The following YTHDC2 variants were observed in gnomAD, a reference collection of about 807,000 sequenced individuals.
YTHDC2 encodes YTH N6-methyladenosine RNA binding protein C2.
YTHDC2 carries 45 observed loss-of-function variants against 174.9 expected under a neutral mutation model. That is an observed-to-expected ratio of 0.26 (90% CI 0.20 to 0.33). The LOEUF (loss-of-function observed/expected upper bound fraction) is 0.33. Among genes scored for constraint, YTHDC2 ranks in the 10% least tolerant of loss-of-function variants. The probability of loss-of-function intolerance (pLI) is 1.00; values close to 1 mark genes in which losing one functional copy is unlikely to be tolerated. For synonymous variants in YTHDC2, 657 were observed against 574.5 expected, an observed-to-expected ratio of 1.14 and a Z score of -2.05; for missense variants, 1,650 against 1,723.7, an observed-to-expected ratio of 0.96 and a Z score of 0.76.
chr5:113,591,934 A>C, intron 27 of YTHDC2, 62 bp from the exon 28 acceptor site: 1 of 1,255,584 alleles, frequency 8.0e-7, no homozygotes, highest in Non-Finnish European at 1.0e-6. Context: ...TCTCAGATAA[A>C]TTAAATTTAG....
At chr5:113,566,711 A>T (rs1777354745) in intron 21 of YTHDC2, among the ~76,000 whole-genome samples, 1 of 152,182 alleles carries the variant, frequency 6.6e-6, no homozygotes, top group Admixed American at 6.5e-5. Context: ...CAGAATTAGT[A>T]TCTATCATAA....
rs375424368 is a variant in YTHDC2, at chr5:113,593,555, G to A, written c.*81G>A. The A allele has an allele frequency of 7.8e-5, 41 of 526,410 alleles. No individual in the cohort carries two copies. The highest frequency in any genetic ancestry group is 3.3e-4 in the East Asian group (11 of 33,468). The allele number at this position is 526,410 out of a possible 1,614,324, so 32.6% of individuals were successfully genotyped here. The stretch of plus-strand genomic sequence containing the variant: ...CACTGACTTTCAAAAACTGAGGTGG[G>A]GTGTGTGTTACGAATGGGCTTTTTA... On this transcript the variant is annotated 3_prime_UTR_variant, in exon 30 of 30. Transcript: ENST00000161863.
intron 2 of YTHDC2, chr5:113,517,627 C>T (rs1167724387): frequency 4.4e-6 from 2 of 456,252 alleles, no homozygotes; most frequent in South Asian, 3.1e-5. Context: ...GCCTATTTAT[C>T]CAGTCCCTAA....
intron 9 of YTHDC2, among the ~76,000 whole-genome samples, chr5:113,541,707 T>C (rs1775482164): frequency 1.3e-5 from 2 of 152,168 alleles, no homozygotes; most frequent in South Asian, 4.1e-4. Context: ...TTTTTAAAAA[T>C]ACTTTTAAAG....
chr5:113,581,061 C>A (rs1778374801), intron 24 of YTHDC2, among the ~76,000 whole-genome samples: 1 of 152,142 alleles, frequency 6.6e-6, no homozygotes, highest in Non-Finnish European at 1.5e-5. Context: ...GTGAATCCAG[C>A]TGCCTTCAGG....
At chr5:113,590,335 T>TACTAA (rs1778940363) in intron 26 of YTHDC2, among the ~76,000 whole-genome samples, 1 of 152,234 alleles carries the variant, frequency 6.6e-6, no homozygotes, top group Non-Finnish European at 1.5e-5. Context: ...TACTAAGGTA[T>TACTAA]GGCCCTTCTG....
At chr5:113,532,430 A>G (rs1417712096) in intron 4 of YTHDC2, among the ~76,000 whole-genome samples, 1 of 152,174 alleles carries the variant, frequency 6.6e-6, no homozygotes, top group Non-Finnish European at 1.5e-5. Context: ...CCTGGATTAT[A>G]GACTATTTTT....
chr5:113,561,238 G>C, intron 18 of YTHDC2, 53 bp downstream of exon 18: 62 of 1,394,188 alleles, frequency 4.4e-5, no homozygotes, highest in Non-Finnish European at 5.6e-5. Context: ...GGAAGTGAGG[G>C]GCCATTTCAA....
At chr5:113,572,363 C>T (rs566492843) in intron 23 of YTHDC2, among the ~76,000 whole-genome samples, 1 of 152,204 alleles carries the variant, frequency 6.6e-6, no homozygotes, top group African/African-American at 2.4e-5. Context: ...TTTACATTTA[C>T]TGAGGAGTGT....
chr5:113,537,477 C>T (rs1775163913), intron 7 of YTHDC2, among the ~76,000 whole-genome samples: 1 of 150,678 alleles, frequency 6.6e-6, no homozygotes. Context: ...CCCCTGTGGG[C>T]TTCTCTTCTT....
chr5:113,566,110 A>T (rs964580336), intron 21 of YTHDC2, 91 bp downstream of exon 21: 10 of 1,325,664 alleles, frequency 7.5e-6, no homozygotes, highest in Non-Finnish European at 1.0e-5. Flanking sequence ...GATGCCATCT[A>T]TTATTTTTAT....
chr5:113,556,445 C>A (rs200419259), intron 17 of YTHDC2: 3 of 183,074 alleles, frequency 1.6e-5, no homozygotes, highest in Non-Finnish European at 2.2e-5. Flanking sequence ...TAAAGAAGCT[C>A]TTTGAAATCA....
chr5:113,593,368 A>C lies in YTHDC2; in HGVS notation c.4278A>C (p.Lys1426Asn), dbSNP rs1561719104. The change falls in exon 29 of 30, where the codon AAA (lysine) becomes AAC (asparagine). Residue 1426 changes from lysine to asparagine, a missense_variant. Around this residue, in one of 5 missense-constraint regions of YTHDC2, gnomAD observed 913 missense variants for 940.4 expected, o/e 0.97. Transcript: ENST00000161863. ...QLWERLPLGE[K>N]NTTD is the part of the protein sequence containing the mutation. The stretch of plus-strand genomic sequence containing the variant: ...GGGAACGTCTTCCCTTGGGAGAAAA[A>C]AACACAACTGATTGACACTCAGGTT... The C allele has an allele frequency of 6.2e-7, 1 of 1,612,610 alleles. No homozygotes were observed. Among genetic ancestry groups the C allele is most frequent in the Admixed American group, 1.7e-5 (1 of 59,952 alleles).
chr5:113,544,566 T>C (rs552676164), intron 10 of YTHDC2, among the ~76,000 whole-genome samples: 23 of 152,360 alleles, frequency 1.5e-4, no homozygotes, highest in Non-Finnish European at 2.6e-4. Context: ...AGTTAACTTT[T>C]TAGTATGTTG....
chr5:113,552,157 T>TG (rs1304231615), intron 12 of YTHDC2, among the ~76,000 whole-genome samples: 1 of 152,164 alleles, frequency 6.6e-6, no homozygotes, highest in East Asian at 1.9e-4. Flanking sequence ...TGAAAGTTTG[T>TG]GGTTTTTAAC....
At position 113,561,067 on chromosome 5, in the gene YTHDC2, C is replaced by CGTTGAGTTG; in HGVS notation, c.2217-13_2217-12insGTTGAGTTG. 1 of 1,592,314 alleles carries CGTTGAGTTG rather than the reference C, an allele frequency of 6.3e-7. No individual in the cohort carries two copies. Among genetic ancestry groups the CGTTGAGTTG allele is most frequent in the Non-Finnish European group, 8.6e-7 (1 of 1,168,582 alleles). On this transcript the variant is annotated splice_polypyrimidine_tract_variant and intron_variant, in intron 17 of 29. Coordinates refer to ENST00000161863, the MANE Select transcript of YTHDC2 (RefSeq NM_022828.5). ...TCGTTGTTTGAGTCCTAATCTTGTA[C>CGTTGAGTTG]TTTATTTTTAAGGGCAGGGCGATGT...
At chr5:113,533,848 G>C (rs1331299379) in intron 5 of YTHDC2, among the ~76,000 whole-genome samples, 1 of 152,154 alleles carries the variant, frequency 6.6e-6, no homozygotes, top group Non-Finnish European at 1.5e-5. Context: ...ACGATTTTCA[G>C]ATTTGGGATG....
At chr5:113,591,688 A>G (rs1779012775) in intron 27 of YTHDC2, among the ~76,000 whole-genome samples, 1 of 152,130 alleles carries the variant, frequency 6.6e-6, no homozygotes, top group African/African-American at 2.4e-5. Flanking sequence ...ATTTTTGGAA[A>G]TGAAAGCTTA....
chr5:113,537,335 G>A (rs1775150486), intron 7 of YTHDC2, among the ~76,000 whole-genome samples: 1 of 148,024 alleles, frequency 6.8e-6, no homozygotes, highest in Non-Finnish European at 1.5e-5. Context: ...ACTTTTCTGT[G>A]GTATGTTTTA....
Sources: gnomAD v4.1 joint callset for allele counts (sites outside exome capture counted in the v4.1 genomes callset) on GRCh38, gnomAD v4.1.1 for gene constraint, gnomAD v4.1.1 regional missense constraint, MANE v1.5 for transcripts, NCBI Gene and HGNC (gene_info 2026-07-23, HGNC 2026-07-21) for gene names.